Variants in CHIC1 observed in about 807,000 individuals in gnomAD.
The protein encoded by CHIC1 is cysteine-rich hydrophobic domain-containing protein 1.
CHIC1 carries 7 observed loss-of-function variants against 18.5 expected under a neutral mutation model. The observed-to-expected ratio is 0.38, with a 90% CI of 0.22 to 0.71. The LOEUF (loss-of-function observed/expected upper bound fraction) is 0.71, where lower values mean the gene tolerates loss of function less well. Among genes scored for constraint, CHIC1 ranks in the 30% least tolerant of loss-of-function variants. The pLI, the probability that CHIC1 is intolerant of heterozygous loss-of-function variation, is 0.49. For missense variants in CHIC1, 159 were observed against 176.9 expected (o/e 0.90, Z 0.57); for synonymous variants, 77 against 73.5 (o/e 1.05, Z -0.25).
intron 3 of CHIC1, among the ~76,000 whole-genome samples, chrX:73,629,468 AGTTAATTTTT>A (rs2057797630): frequency 8.9e-6 from 1 of 112,062 alleles, no homozygotes; most frequent in Non-Finnish European, 1.9e-5. Context: ...ATTTATTTTT[AGTTAATTTTT>A]GTATGGTATA....
intron 3 of CHIC1, among the ~76,000 whole-genome samples, chrX:73,632,199 C>A (rs1489594937): frequency 8.9e-6 from 1 of 111,987 alleles, no homozygotes; most frequent in Non-Finnish European, 1.9e-5. Flanking sequence ...GATATATATT[C>A]TCTTGATAAA....
intron 3 of CHIC1, among the ~76,000 whole-genome samples, chrX:73,653,706 G>A (rs185087939): frequency 3.3e-4 from 37 of 112,247 alleles, no homozygotes; most frequent in Middle Eastern, 4.6e-3. Flanking sequence ...CTGTCTTTCC[G>A]TGTTTTTGTG....
intron 3 of CHIC1, among the ~76,000 whole-genome samples, chrX:73,619,919 C>T (rs2057751928): frequency 9.0e-6 from 1 of 110,781 alleles, no homozygotes. Flanking sequence ...CATGTGTTCT[C>T]ATTGTTCAGG....
At position 73,642,953 on chromosome X, in the gene CHIC1, G is replaced by A. The variant is rs1489885306; in HGVS notation, c.508-36373G>A. Among the ~76,000 whole-genome samples, 106 of 108,397 alleles carry A rather than the reference G, an allele frequency of 9.8e-4. 1 individual carries two copies. Among genetic ancestry groups the A allele is most frequent in the Non-Finnish European group, 1.7e-3 (90 of 51,717 alleles). The allele number at this position is 108,397 out of a possible 115,157, so 94.1% of individuals were successfully genotyped here. ...GTAGTATAGTTTGAAGTCAGGTAGC[G>A]TGATGCCTCCAGCTTTGTTCTTTTG... is the stretch of plus-strand genomic sequence containing the variant. On this transcript the variant is annotated intron_variant, in intron 3 of 5. Coordinates refer to ENST00000373502, the MANE Select transcript of CHIC1 (RefSeq NM_001039840.4).
intron 3 of CHIC1, among the ~76,000 whole-genome samples, chrX:73,651,974 C>T (rs1237446240): frequency 8.9e-6 from 1 of 111,994 alleles, no homozygotes; most frequent in Admixed American, 9.5e-5. Context: ...CATCACACTA[C>T]CTGACTTTAA....
At chrX:73,574,733 C>T (rs781366417) in intron 1 of CHIC1, among the ~76,000 whole-genome samples, 10 of 110,438 alleles carry the variant, frequency 9.1e-5, no homozygotes, top group South Asian at 3.7e-4. Context: ...AATAGTTATA[C>T]GAATATTTTT....
chrX:73,586,036 A>G (rs1198093594), intron 3 of CHIC1, among the ~76,000 whole-genome samples: 1 of 111,434 alleles, frequency 9.0e-6, no homozygotes. Context: ...CCATGAGCCA[A>G]ATCCAGCCCA....
At chrX:73,598,332 T>TC (rs1374305480) in intron 3 of CHIC1, among the ~76,000 whole-genome samples, 1 of 106,413 alleles carries the variant, frequency 9.4e-6, no homozygotes, top group East Asian at 2.9e-4. Context: ...CATTTCTCTT[T>TC]TTTTTTTTAT....
chrX:73,681,730 A>G lies in CHIC1; in HGVS notation c.*725A>G, dbSNP rs2058100157. On this transcript the variant is annotated 3_prime_UTR_variant, in exon 6 of 6. Transcript: ENST00000373502. Reference sequence around the variant, plus strand: ...TAACATGCTGTTTTATGGCAAGGCCATAATGAGTATGTTAAGAATTTCAGG... The same window carrying G: ...TAACATGCTGTTTTATGGCAAGGCCGTAATGAGTATGTTAAGAATTTCAGG... The G allele has an allele frequency of 8.9e-6, 1 of 112,841 alleles. No homozygotes were observed. Among genetic ancestry groups the G allele is most frequent in the Non-Finnish European group, 1.9e-5 (1 of 53,073 alleles). The allele number at this position is 112,841 out of a possible 1,213,427, so 9.3% of individuals were successfully genotyped here. A position where few individuals can be genotyped will look rare whatever the true frequency, so the allele number is the denominator to read the frequency against.
chrX:73,681,085 C>T lies in CHIC1; in HGVS notation c.*80C>T. The T allele has an allele frequency of 1.8e-6, 1 of 553,826 alleles. No individual in the cohort carries two copies. Among genetic ancestry groups the T allele is most frequent in the Non-Finnish European group, 2.9e-6 (1 of 341,013 alleles). The allele number at this position is 553,826 out of a possible 1,213,427, so 45.6% of individuals were successfully genotyped here. A position where few individuals can be genotyped will look rare whatever the true frequency, so the allele number is the denominator to read the frequency against. On this transcript the variant is annotated 3_prime_UTR_variant, in exon 6 of 6. Transcript: ENST00000373502. ...TGTAGATTTGGAATGAAGATGGTCT[C>T]CTTTGCTGTGTTCAACTTATTCTTT...
At chrX:73,659,951 A>G (rs2057971705) in intron 3 of CHIC1, among the ~76,000 whole-genome samples, 1 of 111,644 alleles carries the variant, frequency 9.0e-6, no homozygotes, top group African/African-American at 3.3e-5. Flanking sequence ...ATAGACGCGG[A>G]CATCAGTATG....
At chrX:73,680,755 G>T (rs1479927731) in intron 5 of CHIC1, among the ~76,000 whole-genome samples, 200 bp from the exon 6 acceptor site, 1 of 110,574 alleles carries the variant, frequency 9.0e-6, no homozygotes, top group African/African-American at 3.3e-5. Flanking sequence ...TTGTTTGCCA[G>T]CTTAATTTTT....
chrX:73,564,194 T>C (rs896577271), intron 1 of CHIC1, among the ~76,000 whole-genome samples: 3 of 111,308 alleles, frequency 2.7e-5, no homozygotes, highest in African/African-American at 9.8e-5. Context: ...GTTTTGCTTC[T>C]TACTGGCCCT....
chrX:73,600,647 C>T (rs1246529452), intron 3 of CHIC1, among the ~76,000 whole-genome samples: 7 of 107,369 alleles, frequency 6.5e-5, no homozygotes, highest in Admixed American at 3.0e-4. Context: ...TATTGATTTG[C>T]GTATATTGAA....
chrX:73,672,531 A>AT (rs2058037208), intron 3 of CHIC1, among the ~76,000 whole-genome samples: 1 of 112,129 alleles, frequency 8.9e-6, no homozygotes, highest in Non-Finnish European at 1.9e-5. Flanking sequence ...GATGATGAGC[A>AT]TTTTTTCAAG....
At chrX:73,597,566 CATA>C (rs989199201) in intron 3 of CHIC1, among the ~76,000 whole-genome samples, 3 of 105,675 alleles carry the variant, frequency 2.8e-5, no homozygotes, top group African/African-American at 6.8e-5. Context: ...ATATATATAA[CATA>C]ATTATATATA....
intron 3 of CHIC1, among the ~76,000 whole-genome samples, chrX:73,672,308 G>C (rs1270043960): frequency 9.0e-6 from 1 of 111,421 alleles, no homozygotes; most frequent in African/African-American, 3.3e-5. Flanking sequence ...TGGGTCAAAT[G>C]GTATTTCTAG....
Position 73,611,469 on chromosome X carries a change from G to A in CHIC1, c.507+26897G>A, listed in dbSNP as rs978596597. Among the ~76,000 whole-genome samples the A allele has an allele frequency of 1.2e-4, 13 of 108,488 alleles. 1 individual carries two copies. The highest frequency in any genetic ancestry group is 3.6e-4 in the African/African-American group (10 of 27,815). 94.2% of individuals were successfully genotyped at this position (108,488 alleles called of 115,157 possible). Reference sequence around the variant, plus strand: ...AGTCTTTGCTATTGTGAATAGTGCCGCAATAAACATACGTGTGCATGTGTC... The same window carrying A: ...AGTCTTTGCTATTGTGAATAGTGCCACAATAAACATACGTGTGCATGTGTC... On this transcript the variant is annotated intron_variant, in intron 3 of 5. Transcript: ENST00000373502.
chrX:73,671,100 G>A (rs1347394839), intron 3 of CHIC1, among the ~76,000 whole-genome samples: 1 of 111,710 alleles, frequency 9.0e-6, no homozygotes, highest in Non-Finnish European at 1.9e-5. Context: ...GTCTCATGAT[G>A]TTTCTCTGTT....
Sources: gnomAD v4.1 joint callset for allele counts (sites outside exome capture counted in the v4.1 genomes callset) on GRCh38, gnomAD v4.1.1 for gene constraint, MANE v1.5 for transcripts, NCBI Gene and HGNC (gene_info 2026-07-23, HGNC 2026-07-21) for gene names.